CRAMP1: variants seen among roughly 807,000 people sequenced by gnomAD.
CRAMP1 encodes cramped chromatin regulator 1.
A neutral mutation model predicts 115.4 loss-of-function variants in CRAMP1; 50 were observed. The observed-to-expected ratio is 0.43, with a 90% confidence interval of 0.35 to 0.55. The LOEUF (loss-of-function observed/expected upper bound fraction) is 0.55, where lower values mean the gene tolerates loss of function less well. Ranked by LOEUF, CRAMP1 falls within the 20% of genes least tolerant of loss-of-function variation. The probability of loss-of-function intolerance (pLI) is 0.01; values close to 1 mark genes in which losing one functional copy is unlikely to be tolerated. For synonymous variants in CRAMP1, 866 were observed against 745.4 expected (o/e 1.16, Z -2.64); for missense variants, 1,679 against 1,721.7 (o/e 0.98, Z 0.44).
At position 1,666,575 on chromosome 16, in the gene CRAMP1, A is replaced by G; in HGVS notation, c.3011A>G (p.Asp1004Gly). ...SGQDSTGTHQDGDTLPTVGGS... is the reference protein window; with the variant it reads ...SGQDSTGTHQGGDTLPTVGGS... Reference sequence around the variant, plus strand: ...CAGGACTCTACTGGAACTCACCAGGATGGAGACACCCTCCCCACCGTGGGG... The same window carrying G: ...CAGGACTCTACTGGAACTCACCAGGGTGGAGACACCCTCCCCACCGTGGGG... The change falls in exon 16 of 21, where the codon GAT becomes GGT. Residue 1004 changes from aspartate (D) to glycine (G), a missense_variant. This residue lies in a region of CRAMP1 where 709 missense variants were observed against 741.9 expected (regional missense o/e 0.96). Coordinates refer to ENST00000397412, the MANE Select transcript of CRAMP1 (RefSeq NM_020825.4). This position sits in a 1 kb window ranked among gnomAD's most constrained non-coding sequence, Gnocchi z 5.0. The G allele has an allele frequency of 6.2e-7, 1 of 1,613,892 alleles. No homozygotes were observed. Among genetic ancestry groups the G allele is most frequent in the Non-Finnish European group, 8.5e-7 (1 of 1,179,846 alleles).
Position 1,666,468 on chromosome 16 carries a change from C to T in CRAMP1, c.2904C>T (p.Asn968=). The change falls in exon 16 of 21, where the codon AAC becomes AAT. Residue 968 remains asparagine, a synonymous_variant. Transcript: ENST00000397412. The surrounding 1 kb of genome is among the most constrained non-coding windows in gnomAD (Gnocchi z 5.0). ...AATSAGILSG[N]PLPALDTEGL... is the part of the protein sequence containing the mutation. The stretch of plus-strand genomic sequence containing the variant: ...CAAGTGCCGGCATCCTTTCCGGGAA[C>T]CCCCTCCCTGCCTTGGACACCGAGG... 6.2e-7 allele frequency: 1 copy of T among 1,613,880 alleles called. No individual in the cohort carries two copies. Among genetic ancestry groups the T allele is most frequent in the Non-Finnish European group, 8.5e-7 (1 of 1,179,836 alleles).
chr16:1,619,708 C>G (rs781031149), intron 2 of CRAMP1, among the ~76,000 whole-genome samples: 1 of 152,186 alleles, frequency 6.6e-6, no homozygotes, highest in Admixed American at 6.5e-5. Context: ...TCAAGAGAGA[C>G]AGCGCTGGTC....
rs147897406 is a variant in CRAMP1, at chr16:1,663,311, G to C, written c.2670+476G>C. ...TGACGCATAAAAATACAGAAAGTGA[G>C]GTGGGAAGTCTGAGGTAATTATGGC... On this transcript the variant is annotated intron_variant, in intron 13 of 20. Coordinates refer to ENST00000397412, the MANE Select transcript of CRAMP1 (RefSeq NM_020825.4). Among the ~76,000 whole-genome samples the C allele has an allele frequency of 2.6e-3, 393 of 152,296 alleles. 1 individual carries two copies. Among genetic ancestry groups the C allele is most frequent in the African/African-American group, 9.0e-3 (374 of 41,568 alleles).
chr16:1,667,073 C>T (rs193259060), intron 16 of CRAMP1, among the ~76,000 whole-genome samples: 1 of 152,332 alleles, frequency 6.6e-6, no homozygotes, highest in East Asian at 1.9e-4. Flanking sequence ...CCAGGGAGCC[C>T]AGCCCTGCCT....
chr16:1,669,654 C>T lies in CRAMP1; in HGVS notation c.3499+489C>T, dbSNP rs2036905217. Among the ~76,000 whole-genome samples, 1 of 152,230 alleles carries T rather than the reference C, an allele frequency of 6.6e-6. No individual in the cohort carries two copies. Among genetic ancestry groups the T allele is most frequent in the South Asian group, 2.1e-4 (1 of 4,828 alleles). On this transcript the variant is annotated intron_variant, in intron 19 of 20. Transcript: ENST00000397412. This position sits in a 1 kb window ranked among gnomAD's most constrained non-coding sequence, Gnocchi z 4.6. ...AGAGTTCAGAGGACGTGTCCATCCT[C>T]CTCCCCCACTGCCCGTTTGCCCACT... is the stretch of plus-strand genomic sequence containing the variant.
intron 3 of CRAMP1, among the ~76,000 whole-genome samples, chr16:1,631,726 G>A (rs2036549383): frequency 6.6e-6 from 1 of 152,244 alleles, no homozygotes; most frequent in African/African-American, 2.4e-5. Context: ...TCAGAGTATA[G>A]TCTGTGCGGT....
chr16:1,624,960 C>T (rs1423318628), intron 2 of CRAMP1, among the ~76,000 whole-genome samples: 1 of 152,022 alleles, frequency 6.6e-6, no homozygotes. Flanking sequence ...CTTTTGGCCT[C>T]AAGTGATCCA....
At chr16:1,650,499 A>T (rs1347675418) in intron 6 of CRAMP1, among the ~76,000 whole-genome samples, 3 of 152,242 alleles carry the variant, frequency 2.0e-5, no homozygotes, top group Non-Finnish European at 4.4e-5. Flanking sequence ...CAATACACAG[A>T]TAAAATATAA....
intron 5 of CRAMP1, among the ~76,000 whole-genome samples, chr16:1,639,797 C>T (rs748119863): frequency 2.6e-5 from 4 of 152,148 alleles, no homozygotes. Flanking sequence ...GTGTCTGGTC[C>T]GTTTGTTACT....
At chr16:1,652,409 C>T in intron 6 of CRAMP1, 87 bp from the exon 7 acceptor site, 1 of 1,234,982 alleles carries the variant, frequency 8.1e-7, no homozygotes, top group East Asian at 2.6e-5. Context: ...CCCCACCTGG[C>T]CTGGCTCAGC....
Position 1,656,510 on chromosome 16 carries a change from G to T in CRAMP1, c.1753G>T (p.Gly585Trp). 2 of 1,566,320 alleles carry T rather than the reference G, an allele frequency of 1.3e-6. No homozygotes were observed. The highest frequency in any genetic ancestry group is 2.3e-5 in the South Asian group (2 of 85,218). ...EQCRCADTRP[G>W]SEQPPLGGAA... ...GTGCCGCTGTGCGGACACACGGCCTGGGAGCGAGCAGCCCCCTCTGGGCGG... is the reference window on the plus strand; with the variant it reads ...GTGCCGCTGTGCGGACACACGGCCTTGGAGCGAGCAGCCCCCTCTGGGCGG... Residue 585 changes from glycine (G) to tryptophan (W), a missense_variant, in exon 10 of 21, where the codon GGG becomes TGG. By Grantham distance (184) the Gly-to-Trp change is radical. This residue lies in a region of CRAMP1 where 405 missense variants were observed against 302.6 expected (regional missense o/e 1.34). Transcript: ENST00000397412. The surrounding 1 kb of genome is among the most constrained non-coding windows in gnomAD (Gnocchi z 5.6).
At position 1,641,122 on chromosome 16, in the gene CRAMP1, AT is replaced by A; in HGVS notation, c.779-11del. The A allele has an allele frequency of 1.3e-6, 2 of 1,593,028 alleles. No individual in the cohort carries two copies. Among genetic ancestry groups the A allele is most frequent in the Non-Finnish European group, 8.6e-7 (1 of 1,161,540 alleles). ...AACTACATTGTGGTCTCATTTATTT[AT>A]TTTTTCCATTTAAAGGTATGGATGA... On this transcript the variant is annotated splice_polypyrimidine_tract_variant and intron_variant, in intron 5 of 20. Transcript: ENST00000397412.
At chr16:1,619,996 C>T (rs183724433) in intron 2 of CRAMP1, among the ~76,000 whole-genome samples, 23 of 152,248 alleles carry the variant, frequency 1.5e-4, no homozygotes, top group Non-Finnish European at 2.4e-4. Context: ...TAGGATGGAG[C>T]GACACCACTG....
At position 1,626,057 on chromosome 16, in the gene CRAMP1, G is replaced by A. The variant is rs1043739025; in HGVS notation, c.431G>A (p.Arg144Gln). ...APAGGSRSSSRNLGSSGGEKE... is the reference protein window; with the variant it reads ...APAGGSRSSSQNLGSSGGEKE... ...GCAGGGGGCTCGCGCTCCTCCTCCC[G>A]GAACTTAGGGTCTTCTGGTGGCGAG... The change falls in exon 3 of 21, where the codon CGG (arginine) becomes CAG (glutamine). Residue 144 changes from arginine to glutamine, a missense_variant. Arg to Gln is a conservative substitution (Grantham distance 43). Around this residue, in one of 8 missense-constraint regions of CRAMP1, gnomAD observed 264 missense variants for 229.7 expected, o/e 1.15. Coordinates refer to ENST00000397412, the MANE Select transcript of CRAMP1 (RefSeq NM_020825.4). 14 of 1,551,440 alleles carry A rather than the reference G, an allele frequency of 9.0e-6. No individual in the cohort carries two copies. The highest frequency in any genetic ancestry group is 1.2e-5 in the South Asian group (1 of 84,042).
At chr16:1,637,643 C>T (rs541285166) in intron 4 of CRAMP1, among the ~76,000 whole-genome samples, 181 bp from the exon 5 acceptor site, 7 of 152,308 alleles carry the variant, frequency 4.6e-5, no homozygotes, top group Admixed American at 6.5e-5. Context: ...TTTTGAAAAT[C>T]GCAGACACAG....
At chr16:1,617,250 G>A (rs1028516222) in intron 2 of CRAMP1, among the ~76,000 whole-genome samples, 2 of 152,196 alleles carry the variant, frequency 1.3e-5, no homozygotes, top group South Asian at 2.1e-4. Flanking sequence ...GGAGCTTCCC[G>A]GGAAGGAAGG....
Position 1,652,566 on chromosome 16 carries a change from C to T in CRAMP1, c.898C>T (p.Leu300=), listed in dbSNP as rs1244850983. The change falls in exon 7 of 21, where the codon CTG becomes TTG. Residue 300 remains leucine, a synonymous_variant. Coordinates refer to ENST00000397412, the MANE Select transcript of CRAMP1 (RefSeq NM_020825.4). ...KAPMCRALKK[L]CDPDGLSDEE... ...GCCCATGTGCCGGGCCCTGAAGAAGCTGTGCGATCCAGATGGTAAGTGAAT... is the reference window on the plus strand; with the variant it reads ...GCCCATGTGCCGGGCCCTGAAGAAGTTGTGCGATCCAGATGGTAAGTGAAT... The T allele has an allele frequency of 2.6e-6, 4 of 1,552,826 alleles. No homozygotes were observed. The highest frequency in any genetic ancestry group is 3.5e-6 in the Non-Finnish European group (4 of 1,147,524).
In CRAMP1 at chr16:1,674,072, C is replaced by T. The variant is rs777882682; in HGVS notation, c.*27C>T. The T allele has an allele frequency of 6.2e-7, 1 of 1,605,858 alleles. No homozygotes were observed. ...CACACGTCCTGGTGGCGGATGAAGC[C>T]CTCTTCGAGCTAGAGAAAAATAGAT... On this transcript the variant is annotated 3_prime_UTR_variant, in exon 21 of 21. Transcript: ENST00000397412.
chr16:1,659,187 A>G (rs1231158743), intron 10 of CRAMP1, among the ~76,000 whole-genome samples: 1 of 152,124 alleles, frequency 6.6e-6, no homozygotes, highest in Admixed American at 6.5e-5. Flanking sequence ...CTGCAGTCTC[A>G]TGTTGACTTT....
Sources: gnomAD v4.1 joint callset for allele counts (sites outside exome capture counted in the v4.1 genomes callset) on GRCh38, gnomAD v4.1.1 for gene constraint, gnomAD v4.1.1 regional missense constraint, Gnocchi (gnomAD v3.1) non-coding constraint, MANE v1.5 for transcripts, NCBI Gene and HGNC (gene_info 2026-07-23, HGNC 2026-07-21) for gene names.